STX8: variants seen among roughly 807,000 people sequenced by gnomAD.
STX8 encodes the protein syntaxin-8.
In STX8, 23 loss-of-function variants were observed where a neutral mutation model predicts 37.5. That is an observed-to-expected ratio of 0.61 (90% CI 0.44 to 0.87). The LOEUF is 0.87. Among genes scored for constraint, STX8 ranks in the 40% least tolerant of loss-of-function variants. The pLI is 0.00. For missense variants in STX8, 313 were observed against 284.7 expected, an observed-to-expected ratio of 1.10 and a Z score of -0.71; for synonymous variants, 115 against 99.1, an observed-to-expected ratio of 1.16 and a Z score of -0.95.
intron 3 of STX8, among the ~76,000 whole-genome samples, chr17:9,551,425 T>C (rs1473929861): frequency 6.6e-6 from 1 of 152,160 alleles, no homozygotes; most frequent in Non-Finnish European, 1.5e-5. Context: ...GTAGCTGAAA[T>C]CTTTACAATA....
intron 1 of STX8, among the ~76,000 whole-genome samples, chr17:9,570,382 T>A (rs1907640257): frequency 6.6e-6 from 1 of 152,074 alleles, no homozygotes; most frequent in Admixed American, 6.6e-5. Context: ...ACCACTATAC[T>A]GTAAAGCAGC....
At chr17:9,477,415 ACACT>A (rs1906149470) in intron 6 of STX8, among the ~76,000 whole-genome samples, 1 of 152,198 alleles carries the variant, frequency 6.6e-6, no homozygotes, top group African/African-American at 2.4e-5. Context: ...AGGAGCAAAA[ACACT>A]CACCATTTTT....
intron 7 of STX8, among the ~76,000 whole-genome samples, chr17:9,325,619 AGT>A (rs1909728593): frequency 6.6e-6 from 1 of 152,216 alleles, no homozygotes. Flanking sequence ...CGAATTACAT[AGT>A]TGGTCCTGGG....
At chr17:9,446,002 A>AT (rs1415103287) in intron 6 of STX8, among the ~76,000 whole-genome samples, 9 of 151,444 alleles carry the variant, frequency 5.9e-5, no homozygotes, top group South Asian at 2.1e-4. Context: ...CGCCCGGCTG[A>AT]TTTTTTTGTA....
intron 4 of STX8, among the ~76,000 whole-genome samples, chr17:9,508,531 G>A (rs1483471535): frequency 6.6e-6 from 1 of 152,184 alleles, no homozygotes; most frequent in Non-Finnish European, 1.5e-5. Context: ...GTTTCACCAT[G>A]TTAGCCAGGT....
chr17:9,431,606 G>A (rs1295119830), intron 6 of STX8, among the ~76,000 whole-genome samples: 1 of 152,160 alleles, frequency 6.6e-6, no homozygotes, highest in Non-Finnish European at 1.5e-5. Context: ...AGGGCAGCAG[G>A]TTTAAAGGAA....
intron 7 of STX8, among the ~76,000 whole-genome samples, chr17:9,296,561 A>C (rs566845119): frequency 6.6e-6 from 1 of 152,040 alleles, no homozygotes; most frequent in Non-Finnish European, 1.5e-5. Context: ...TTAATTAATG[A>C]ATTCATTCAT....
rs1160315553 is a variant in STX8, at chr17:9,333,650, A to G, written c.643+44902T>C. 3.3e-5 allele frequency among the ~76,000 whole-genome samples: 5 copies of G among 152,208 alleles called. No homozygotes were observed. In the South Asian group the frequency reaches 6.2e-4, roughly 19 times the overall value. On this transcript the variant is annotated intron_variant, in intron 7 of 7. Transcript: ENST00000306357. ...GTGATCCGCCCGCCTTGGCCTCCCA[A>G]AGTGCTCGGATTACAGGCGTGAGCC... is the stretch of plus-strand genomic sequence containing the variant.
chr17:9,308,721 C>CAAAAAAAAAA (rs1171647976), intron 7 of STX8, among the ~76,000 whole-genome samples: 1 of 71,388 alleles, frequency 1.4e-5, no homozygotes, highest in African/African-American at 4.5e-5. Flanking sequence ...GAAACTCCGT[C>CAAAAAAAAAA]AAAAAAAAAA....
intron 7 of STX8, among the ~76,000 whole-genome samples, chr17:9,370,850 G>A (rs1281356498): frequency 1.3e-5 from 2 of 151,828 alleles, no homozygotes; most frequent in Admixed American, 6.6e-5. Flanking sequence ...TGTCCTTAAT[G>A]GAAGTAACAG....
chr17:9,388,898 T>G (rs1202784058), intron 6 of STX8, among the ~76,000 whole-genome samples: 2 of 152,158 alleles, frequency 1.3e-5, no homozygotes, highest in Non-Finnish European at 2.9e-5. Flanking sequence ...TATTTTTTCA[T>G]GTAGCTACAA....
At chr17:9,256,517 G>A (rs765290235) in intron 7 of STX8, among the ~76,000 whole-genome samples, 109 of 152,302 alleles carry the variant, frequency 7.2e-4, no homozygotes, top group Non-Finnish European at 1.3e-3. Flanking sequence ...ATCCATTCAT[G>A]GCCTGTCTGG....
intron 6 of STX8, among the ~76,000 whole-genome samples, chr17:9,413,825 C>T (rs1378993159): frequency 6.6e-6 from 1 of 152,140 alleles, no homozygotes; most frequent in East Asian, 1.9e-4. Flanking sequence ...CGGAAAAAAA[C>T]TTGCAGGGAC....
At chr17:9,288,649 G>A (rs1818096826) in intron 7 of STX8, among the ~76,000 whole-genome samples, 1 of 151,618 alleles carries the variant, frequency 6.6e-6, no homozygotes, top group African/African-American at 2.4e-5. Context: ...GTGACAGAGT[G>A]AGACTCCGTC....
intron 6 of STX8, among the ~76,000 whole-genome samples, chr17:9,477,484 A>C (rs1322698463): frequency 6.6e-6 from 1 of 152,172 alleles, no homozygotes; most frequent in African/African-American, 2.4e-5. Context: ...CCTTATATAC[A>C]CACTTGTGTG....
chr17:9,557,677 G>T (rs1293727041), intron 2 of STX8, 149 bp from the exon 3 acceptor site: 4 of 673,512 alleles, frequency 5.9e-6, no homozygotes, highest in Non-Finnish European at 1.0e-5. Context: ...CAAACTCAGG[G>T]CTGGAAGGAG....
chr17:9,260,947 GA>G (rs1907001164), intron 7 of STX8, among the ~76,000 whole-genome samples: 1 of 152,234 alleles, frequency 6.6e-6, no homozygotes, highest in Non-Finnish European at 1.5e-5. Context: ...AGAACGGTGT[GA>G]AGAGAGACAT....
intron 4 of STX8, among the ~76,000 whole-genome samples, chr17:9,509,033 T>C (rs1326796671): frequency 4.6e-5 from 7 of 152,044 alleles, no homozygotes; most frequent in Non-Finnish European, 5.9e-5. Context: ...CAGATCACGA[T>C]GTCAGGAGTT....
At chr17:9,265,977 GT>G (rs1907217961) in intron 7 of STX8, among the ~76,000 whole-genome samples, 4 of 152,128 alleles carry the variant, frequency 2.6e-5, no homozygotes, top group Non-Finnish European at 4.4e-5. Flanking sequence ...TTTCCCTCGA[GT>G]CCTAGGGATA....
Sources: gnomAD v4.1 joint callset for allele counts (sites outside exome capture counted in the v4.1 genomes callset) on GRCh38, gnomAD v4.1.1 for gene constraint, MANE v1.5 for transcripts, NCBI Gene and HGNC (gene_info 2026-07-23, HGNC 2026-07-21) for gene names.